Variants in MROH1 observed in about 807,000 individuals in gnomAD.
MROH1 encodes the protein maestro heat-like repeat-containing protein family member 1.
MROH1 carries 117 observed loss-of-function variants against 116.5 expected under a neutral mutation model. The ratio of observed to expected loss-of-function variants is 1.00; its 90% CI spans 0.86 to 1.17. The LOEUF is 1.17. Ranked by LOEUF, MROH1 falls within the 50% of genes most tolerant of loss-of-function variation. The pLI is 0.00. For synonymous variants in MROH1, 921 were observed against 583.9 expected, an observed-to-expected ratio of 1.58 and a Z score of -8.32; for missense variants, 1,873 against 1,338.5, an observed-to-expected ratio of 1.40 and a Z score of -6.23.
At chr8:144,162,109 G>C (rs1819686227) in intron 2 of MROH1, among the ~76,000 whole-genome samples, 1 of 144,358 alleles carries the variant, frequency 6.9e-6, no homozygotes, top group Non-Finnish European at 1.5e-5. Context: ...TTTTAAGACA[G>C]AGTCTCACTC....
At chr8:144,200,565 G>T (rs1166840545) in intron 12 of MROH1, 24 bp downstream of exon 12, 9 of 1,510,402 alleles carry the variant, frequency 6.0e-6, no homozygotes, top group Non-Finnish European at 7.2e-6. Context: ...TGCTAGCCTG[G>T]CCGCCACCCC....
At chr8:144,187,606 G>A (rs927134114) in intron 7 of MROH1, among the ~76,000 whole-genome samples, 14 of 152,224 alleles carry the variant, frequency 9.2e-5, no homozygotes, top group African/African-American at 2.9e-4. Flanking sequence ...GCATTCCTGT[G>A]TACTAGACTC....
intron 7 of MROH1, among the ~76,000 whole-genome samples, chr8:144,188,512 G>C (rs1273241678): frequency 0.14 from 4 of 28 alleles, no homozygotes; most frequent in Non-Finnish European, 0.2. Flanking sequence ...CTGTCGCCCA[G>C]GCTGGAGTGC....
chr8:144,185,903 G>A (rs1827015641), intron 7 of MROH1, among the ~76,000 whole-genome samples: 1 of 143,316 alleles, frequency 7.0e-6, no homozygotes, highest in African/African-American at 2.6e-5. Context: ...GAGGGGTGGC[G>A]GGGGGGCGGC....
chr8:144,261,873 A>T lies in MROH1; in HGVS notation c.*133A>T. On this transcript the variant is annotated 3_prime_UTR_variant, in exon 44 of 44. Coordinates refer to ENST00000326134, the MANE Select transcript of MROH1 (RefSeq NM_032450.3). ...GGCCCCAGAACAGGCACTGCTGGGG[A>T]CCAAACCCAAGCCCTTCAGTGAGGG... 1.5e-6 allele frequency: 1 copy of T among 681,296 alleles called. No homozygotes were observed. Among genetic ancestry groups the T allele is most frequent in the South Asian group, 1.6e-5 (1 of 64,296 alleles). 42.2% of individuals were successfully genotyped at this position (681,296 alleles called of 1,614,324 possible).
chr8:144,176,218 A>C (rs1438923070), intron 4 of MROH1, among the ~76,000 whole-genome samples: 1 of 151,856 alleles, frequency 6.6e-6, no homozygotes, highest in African/African-American at 2.4e-5. Flanking sequence ...AATACAAAAA[A>C]AAAAATTAGC....
At chr8:144,186,279 A>G (rs1183071817) in intron 7 of MROH1, among the ~76,000 whole-genome samples, 2 of 151,822 alleles carry the variant, frequency 1.3e-5, no homozygotes, top group African/African-American at 4.8e-5. Flanking sequence ...CCGCCACCAC[A>G]CCCAGCTAAT....
rs1038497795 is a variant in MROH1, at chr8:144,259,287, C to T, written c.3977C>T (p.Thr1326Met). The change falls in exon 37 of 44, where the codon ACG becomes ATG. Residue 1326 changes from threonine (T) to methionine (M), a missense_variant. Transcript: ENST00000326134. ...AGPRLPLVLK[T>M]LACTHSSAYE... Reference sequence around the variant, plus strand: ...CCCCGACTCCCCCTGGTGCTGAAGACGCTGGCATGCACACACAGCAGTGCG... The same window carrying T: ...CCCCGACTCCCCCTGGTGCTGAAGATGCTGGCATGCACACACAGCAGTGCG... 12 of 714,896 alleles carry T rather than the reference C, an allele frequency of 1.7e-5. No homozygotes were observed. The highest frequency in any genetic ancestry group is 3.6e-4 in the Middle Eastern group (1 of 2,764). The allele number at this position is 714,896 out of a possible 1,614,324, so 44.3% of individuals were successfully genotyped here. A position where few individuals can be genotyped will look rare whatever the true frequency, so the allele number is the denominator to read the frequency against.
chr8:144,259,749 C>T (rs928776233), intron 37 of MROH1, among the ~76,000 whole-genome samples, 162 bp from the exon 38 acceptor site: 1 of 152,248 alleles, frequency 6.6e-6, no homozygotes, highest in Non-Finnish European at 1.5e-5. Flanking sequence ...CCCAGCGGCA[C>T]AACAGGGAGG....
chr8:144,152,632 C>T lies in MROH1; in HGVS notation c.-177+4556C>T, dbSNP rs943307589. Among the ~76,000 whole-genome samples, 351 of 151,286 alleles carry T rather than the reference C, an allele frequency of 2.3e-3. 1 individual carries two copies. The highest frequency in any genetic ancestry group is 8.1e-3 in the African/African-American group (332 of 41,154). On this transcript the variant is annotated intron_variant, in intron 1 of 43. Transcript: ENST00000326134. ...TGCAATCTCGGCTCACTGGAAGCTC[C>T]GCCTCCTGGGTTCATGCCATTCTCC...
chr8:144,234,623 T>C (rs1242636025), intron 14 of MROH1, among the ~76,000 whole-genome samples: 1 of 143,702 alleles, frequency 7.0e-6, no homozygotes, highest in African/African-American at 2.5e-5. Flanking sequence ...TTCAAGCAAT[T>C]CTCCTGCCTT....
intron 4 of MROH1, among the ~76,000 whole-genome samples, chr8:144,175,880 C>G (rs192910890): frequency 5.1e-4 from 77 of 152,206 alleles, no homozygotes; most frequent in African/African-American, 1.7e-3. Context: ...GAAACCCTGT[C>G]TCTACTAAAA....
intron 33 of MROH1, among the ~76,000 whole-genome samples, chr8:144,254,034 A>G (rs1455972675): frequency 6.6e-6 from 1 of 152,132 alleles, no homozygotes; most frequent in Non-Finnish European, 1.5e-5. Flanking sequence ...CTACTCCTTG[A>G]CAGCCATTGT....
intron 3 of MROH1, 60 bp from the exon 4 acceptor site, chr8:144,168,235 G>C: frequency 6.7e-7 from 1 of 1,491,582 alleles, no homozygotes; most frequent in Non-Finnish European, 8.9e-7. Context: ...AGTGGCAGCC[G>C]AGGTGTGATA....
At chr8:144,192,720 C>T (rs1588054278) in intron 10 of MROH1, 5 of 507,058 alleles carry the variant, frequency 9.9e-6, no homozygotes, top group South Asian at 9.4e-5. Context: ...CTGGGGGAGA[C>T]TGCCCTGAGT....
chr8:144,248,546 A>G (rs1842295030), intron 31 of MROH1, among the ~76,000 whole-genome samples: 6 of 152,290 alleles, frequency 3.9e-5, no homozygotes, highest in Admixed American at 3.9e-4. Flanking sequence ...AGAGAGCTCC[A>G]GGGCGACTGC....
chr8:144,189,228 G>T (rs995630000), intron 7 of MROH1, among the ~76,000 whole-genome samples: 4 of 152,174 alleles, frequency 2.6e-5, no homozygotes, highest in African/African-American at 9.7e-5. Context: ...CCTTGGTCTT[G>T]TGCCTTGTGC....
intron 1 of MROH1, among the ~76,000 whole-genome samples, chr8:144,159,370 A>G (rs1289447727): frequency 6.6e-6 from 1 of 152,164 alleles, no homozygotes; most frequent in Non-Finnish European, 1.5e-5. Context: ...AAAAGAAAGG[A>G]GAGAGAGAGA....
At chr8:144,244,184 T>G in intron 26 of MROH1, 38 bp from the exon 27 acceptor site, 1 of 714,970 alleles carries the variant, frequency 1.4e-6, no homozygotes, top group African/African-American at 1.7e-5. Flanking sequence ...AGTTTCAGCC[T>G]TAGGATCATT....
Sources: gnomAD v4.1 joint callset for allele counts (sites outside exome capture counted in the v4.1 genomes callset) on GRCh38, gnomAD v4.1.1 for gene constraint, MANE v1.5 for transcripts, NCBI Gene and HGNC (gene_info 2026-07-23, HGNC 2026-07-21) for gene names.